Variants in PNPLA6 observed in about 807,000 individuals in gnomAD.
PNPLA6 encodes the protein patatin-like phospholipase domain-containing protein 6.
Under a neutral mutation model 153.7 loss-of-function variants are expected in PNPLA6, and 105 were observed. The ratio of observed to expected loss-of-function variants is 0.68; its 90% CI spans 0.58 to 0.80. The LOEUF is 0.80. PNPLA6 is among the 30% of genes least tolerant of loss of function. The probability of loss-of-function intolerance (pLI) is 0.00; values close to 1 mark genes in which losing one functional copy is unlikely to be tolerated. For synonymous variants in PNPLA6, 825 were observed against 822.2 expected (o/e 1.00, Z -0.06); for missense variants, 1,423 against 1,919.3 (o/e 0.74, Z 4.83).
At chr19:7,560,546 C>G (rs1322392656) in intron 28 of PNPLA6, 102 bp from the exon 29 acceptor site, 2 of 829,492 alleles carry the variant, frequency 2.4e-6, no homozygotes, top group Non-Finnish European at 4.2e-6. Context: ...AATGCAACTC[C>G]CCCAGAGAAT....
Position 7,554,248 on chromosome 19 carries a change from G to A in PNPLA6, c.2441G>A (p.Arg814His), listed in dbSNP as rs766293333. 1.9e-6 allele frequency: 3 copies of A among 1,614,074 alleles called. No homozygotes were observed. The highest frequency in any genetic ancestry group is 3.3e-5 in the Admixed American group (2 of 60,014). The change falls in exon 20 of 32, where the codon CGC (arginine) becomes CAC (histidine). Residue 814 changes from arginine to histidine, a missense_variant. Physicochemically the swap from Arg to His is conservative, Grantham distance 29. Transcript: ENST00000600737. The stretch of plus-strand genomic sequence containing the variant: ...CTTAACAGTGACATCATCCGGGCAC[G>A]CCTGGGGGCCTCCGCACTGGATAGG... ...LLLNSDIIRA[R>H]LGASALDSIQ... is the part of the protein sequence containing the mutation.
At position 7,541,537 on chromosome 19, in the gene PNPLA6, C is replaced by A; in HGVS notation, c.1021C>A (p.Arg341Ser). 2 of 1,606,764 alleles carry A rather than the reference C, an allele frequency of 1.2e-6. No individual in the cohort carries two copies. The highest frequency in any genetic ancestry group is 8.5e-7 in the Non-Finnish European group (1 of 1,176,858). The change falls in exon 9 of 32, where the codon CGT becomes AGT. Residue 341 changes from arginine (R) to serine (S), a missense_variant. By Grantham distance (110) the Arg-to-Ser change is moderately radical. Transcript: ENST00000600737. This position sits in a 1 kb window ranked among gnomAD's most constrained non-coding sequence, Gnocchi z 5.2. ...ELFSHEIQPL[R>S]LFPSPGLPTR... The stretch of plus-strand genomic sequence containing the variant: ...CTGCCCCCAGGAGATCCAGCCCCTG[C>A]GTCTGTTCCCCAGCCCCGGCCTCCC...
upstream of PNPLA6, chr19:7,535,431 G>T: frequency 9.4e-7 from 1 of 1,059,202 alleles, no homozygotes. This position sits in a 1 kb window ranked among gnomAD's most constrained non-coding sequence, Gnocchi z 5.0. Flanking sequence ...CTTGAGCTGG[G>T]GGCAGGGCTT....
chr19:7,549,506 A>T (rs793863), intron 13 of PNPLA6, among the ~76,000 whole-genome samples: 134,005 of 144,772 alleles, frequency 0.93, 61,630 homozygotes, highest in East Asian at 0.98. Context: ...TTTTTTTTTT[A>T]AAGACAGTGT....
At chr19:7,552,036 G>A (rs1179733451) in intron 18 of PNPLA6, among the ~76,000 whole-genome samples, 2 of 152,184 alleles carry the variant, frequency 1.3e-5, no homozygotes, top group Non-Finnish European at 1.5e-5. Context: ...GCTTGAGCCC[G>A]GAGGTCGAGG....
Position 7,551,506 on chromosome 19 carries a change from G to T in PNPLA6, c.2260+69G>T, listed in dbSNP as rs367808599. 8 of 1,334,908 alleles carry T rather than the reference G, an allele frequency of 6.0e-6. No individual in the cohort carries two copies. In the East Asian group the frequency reaches 1.8e-4, roughly 31 times the overall value. 82.7% of individuals were successfully genotyped at this position (1,334,908 alleles called of 1,614,324 possible). A position where few individuals can be genotyped will look rare whatever the true frequency, so the allele number is the denominator to read the frequency against. On this transcript the variant is annotated intron_variant, in intron 18 of 31. Transcript: ENST00000600737. ...GCGTCCAGAGCATGCTGGGAGGGAA[G>T]CCTTCTTTCCTGAGGGATGCTGGGA...
intron 3 of PNPLA6, among the ~76,000 whole-genome samples, chr19:7,538,051 T>C (rs1172680573): frequency 6.6e-6 from 1 of 152,138 alleles, no homozygotes. Context: ...TCTGTAGTGT[T>C]TGCACACTCT....
upstream of PNPLA6, chr19:7,535,358 G>A: frequency 1.5e-6 from 1 of 681,652 alleles, no homozygotes. This position sits in a 1 kb window ranked among gnomAD's most constrained non-coding sequence, Gnocchi z 5.0. Flanking sequence ...TAGTCCCGCA[G>A]CGCCCCTCTA....
chr19:7,540,778 GA>G lies in PNPLA6; in HGVS notation c.795+71del. ...TCCCACCCAAGGGACTAGGTTGAAG[GA>G]AATCACAGGGTCCCCAATCTCTGGT... is the stretch of plus-strand genomic sequence containing the variant. On this transcript the variant is annotated intron_variant, in intron 6 of 31. Transcript: ENST00000600737. This position sits in a 1 kb window ranked among gnomAD's most constrained non-coding sequence, Gnocchi z 6.8. The G allele has an allele frequency of 6.5e-7, 1 of 1,544,344 alleles. No individual in the cohort carries two copies. Among genetic ancestry groups the G allele is most frequent in the Non-Finnish European group, 9.0e-7 (1 of 1,116,392 alleles).
rs753464872 is a variant in PNPLA6 at position 7,558,741 on chromosome 19, C to CTCTCT, written c.3398-108_3398-107insCTCTT. The CTCTCT allele has an allele frequency of 1.5e-3, 1,053 of 721,056 alleles. 1 individual carries two copies. The highest frequency in any genetic ancestry group is 3.2e-3 in the Admixed American group (134 of 42,260). The allele number at this position is 721,056 out of a possible 1,614,324, so 44.7% of individuals were successfully genotyped here. A position where few individuals can be genotyped will look rare whatever the true frequency, so the allele number is the denominator to read the frequency against. Reference sequence around the variant, plus strand: ...GTGTTTGCATGTGTGGGTATTCTCTCTTTTTTTTTTGCGTGATCATTTGCA... The same window carrying CTCTCT: ...GTGTTTGCATGTGTGGGTATTCTCTCTCTCTTTTTTTTTTTGCGTGATCATTTGCA... On this transcript the variant is annotated intron_variant, in intron 27 of 31. Coordinates refer to ENST00000600737, the MANE Select transcript of PNPLA6 (RefSeq NM_001166114.2).
chr19:7,555,307 G>C lies in PNPLA6; in HGVS notation c.2876G>C (p.Arg959Pro). Residue 959 changes from arginine (R) to proline (P), a missense_variant, in exon 23 of 32, where the codon CGC (arginine) becomes CCC (proline). Physicochemically the swap from Arg to Pro is moderately radical, Grantham distance 103. Coordinates refer to ENST00000600737, the MANE Select transcript of PNPLA6 (RefSeq NM_001166114.2). The surrounding 1 kb of genome is among the most constrained non-coding windows in gnomAD (Gnocchi z 6.3). ...GCGGACCGGCACAGCGACTTCTCCC[G>C]CTTGGCGAGGGTGCTCACGGGGAAC... The part of the protein sequence containing the change: ...RRADRHSDFS[R>P]LARVLTGNTI... 6.3e-7 allele frequency: 1 copy of C among 1,585,064 alleles called. No homozygotes were observed. The highest frequency in any genetic ancestry group is 1.3e-5 in the African/African-American group (1 of 74,598).
chr19:7,550,116 T>C lies in PNPLA6; in HGVS notation c.1814+4T>C. On this transcript the variant is annotated splice_donor_region_variant and intron_variant, in intron 14 of 31. Transcript: ENST00000600737. ...TCTCCAAGTCCGACTTCTATGAGTA[T>C]GACAGCCCGAAGTTGGAGTGTGGGT... The C allele has an allele frequency of 1.2e-6, 2 of 1,613,974 alleles. No homozygotes were observed. Among genetic ancestry groups the C allele is most frequent in the Non-Finnish European group, 1.7e-6 (2 of 1,180,016 alleles).
At chr19:7,556,766 G>T in intron 26 of PNPLA6, 42 bp downstream of exon 26, 2 of 1,396,504 alleles carry the variant, frequency 1.4e-6, no homozygotes, top group Non-Finnish European at 2.0e-6. Flanking sequence ...CTGACGCCAC[G>T]TGGGGTTGGG....
chr19:7,556,777 G>A lies in PNPLA6; in HGVS notation c.3280+53G>A, dbSNP rs2023897031. The A allele has an allele frequency of 6.0e-6, 8 of 1,331,648 alleles. No homozygotes were observed. In the Admixed American group the frequency reaches 1.2e-4, roughly 20 times the overall value. 82.5% of individuals were successfully genotyped at this position (1,331,648 alleles called of 1,614,324 possible). ...ACCGCTGACGCCACGTGGGGTTGGG[G>A]GGATGCTTCCGGGAGGGCCGCTGAG... On this transcript the variant is annotated intron_variant, in intron 26 of 31. Transcript: ENST00000600737.
At chr19:7,548,514 C>A (rs991355278) in intron 13 of PNPLA6, among the ~76,000 whole-genome samples, 6 of 152,000 alleles carry the variant, frequency 3.9e-5, no homozygotes, top group Admixed American at 6.6e-5. Flanking sequence ...GCAGGGTGGA[C>A]AAGCTTGCTT....
At chr19:7,557,539 T>C (rs748846170) in intron 27 of PNPLA6, 25 of 518,466 alleles carry the variant, frequency 4.8e-5, no homozygotes, top group Non-Finnish European at 7.7e-5. Flanking sequence ...TCCCAGCACT[T>C]TGGGAGGCCT....
At chr19:7,557,309 C>G in intron 27 of PNPLA6, 25 bp downstream of exon 27, 1 of 1,361,350 alleles carries the variant, frequency 7.3e-7, no homozygotes, top group South Asian at 1.2e-5. Flanking sequence ...GCACCACCCG[C>G]ACACGCAAGC....
intron 3 of PNPLA6, 87 bp from the exon 4 acceptor site, chr19:7,539,831 C>T (rs2023044708): frequency 1.1e-6 from 1 of 881,128 alleles, no homozygotes; most frequent in Non-Finnish European, 1.8e-6. Flanking sequence ...TACATGAGCC[C>T]TGGGGAAAGG....
chr19:7,535,417 A>C, upstream of PNPLA6: 1 of 937,376 alleles, frequency 1.1e-6, no homozygotes, highest in Non-Finnish European at 1.7e-6. The surrounding 1 kb of genome is among the most constrained non-coding windows in gnomAD (Gnocchi z 5.0). Flanking sequence ...CCCAGAGGGC[A>C]GGGCTTGAGC....
Sources: allele counts gnomAD v4.1 joint callset (sites outside exome capture counted in the v4.1 genomes callset), GRCh38; gene constraint gnomAD v4.1.1; non-coding constraint Gnocchi (gnomAD v3.1); transcripts MANE v1.5; gene names NCBI Gene and HGNC (gene_info 2026-07-23, HGNC 2026-07-21).